The following TBC1D14 variants were observed in gnomAD, a reference collection of about 807,000 sequenced individuals.
TBC1D14 encodes the protein TBC1 domain family member 14, also known as TBC1 domain family, member 14.
A neutral mutation model predicts 79.0 loss-of-function variants in TBC1D14; 26 were observed. That is an observed-to-expected ratio of 0.33 (90% CI 0.24 to 0.46). The LOEUF (loss-of-function observed/expected upper bound fraction) is 0.46, where lower values mean the gene tolerates loss of function less well. TBC1D14 is among the 20% of genes least tolerant of loss of function. TBC1D14 has a pLI of 1.00. For synonymous variants in TBC1D14, 394 were observed against 349.9 expected (o/e 1.13, Z -1.40); for missense variants, 769 against 887.6 (o/e 0.87, Z 1.70).
chr4:6,922,757 C>T (rs890112359), intron 1 of TBC1D14, among the ~76,000 whole-genome samples: 3 of 152,118 alleles, frequency 2.0e-5, no homozygotes, highest in Non-Finnish European at 2.9e-5. Context: ...ACCCAACCGC[C>T]GCCCCCCAAG....
chr4:6,954,243 A>G, intron 2 of TBC1D14: 1 of 716,760 alleles, frequency 1.4e-6, no homozygotes, highest in Non-Finnish European at 2.6e-6. Flanking sequence ...GGAATGCGGC[A>G]CGGGGAGAGT....
chr4:7,032,035 G>A lies in TBC1D14; in HGVS notation c.*1643G>A, dbSNP rs970236346. The stretch of plus-strand genomic sequence containing the variant: ...AGCACTATCATGTGTCACGTTTCCC[G>A]GACTCTGCCCCTACATCTCAGCTGA... On this transcript the variant is annotated 3_prime_UTR_variant, in exon 14 of 14. Transcript: ENST00000409757. The A allele has an allele frequency of 6.6e-6, 1 of 152,390 alleles. No homozygotes were observed. Among genetic ancestry groups the A allele is most frequent in the Non-Finnish European group, 1.5e-5 (1 of 68,088 alleles). The allele number at this position is 152,390 out of a possible 1,614,324, so 9.4% of individuals were successfully genotyped here.
At chr4:6,999,284 C>T in intron 6 of TBC1D14, 82 bp downstream of exon 6, 1 of 1,210,012 alleles carries the variant, frequency 8.3e-7, no homozygotes, top group Non-Finnish European at 1.2e-6. Flanking sequence ...TCGTCATAGC[C>T]AGCAGTGACA....
intron 7 of TBC1D14, among the ~76,000 whole-genome samples, chr4:7,001,639 T>G (rs3857170): frequency 6.6e-6 from 1 of 151,962 alleles, no homozygotes; most frequent in East Asian, 1.9e-4. Flanking sequence ...TTTGTGGGAT[T>G]TTTTTTCAGG....
chr4:6,995,991 C>T (rs1718998093), intron 4 of TBC1D14, among the ~76,000 whole-genome samples: 1 of 151,850 alleles, frequency 6.6e-6, no homozygotes, highest in South Asian at 2.1e-4. Flanking sequence ...CGCCCGCCAC[C>T]ATGCCCGGCT....
chr4:7,009,760 A>C, intron 9 of TBC1D14, 117 bp from the exon 10 acceptor site: 1 of 1,027,272 alleles, frequency 9.7e-7, no homozygotes, highest in African/African-American at 1.6e-5. Flanking sequence ...TGCTTGGCAT[A>C]TTTCATAATG....
rs568132951 is a variant in TBC1D14 at position 6,911,034 on chromosome 4, G to A, written c.-18+1083G>A. ...TGCCTAGCTTTTATAGCGGTGGGTT[G>A]CCTGTTGGAAACTGGTGGTTGCTTT... On this transcript the variant is annotated intron_variant, in intron 1 of 13. Transcript: ENST00000409757. 1.2e-4 allele frequency among the ~76,000 whole-genome samples: 19 copies of A among 152,274 alleles called. No individual in the cohort carries two copies. In the South Asian group the frequency reaches 2.1e-3, roughly 17 times the overall value.
intron 7 of TBC1D14, among the ~76,000 whole-genome samples, chr4:7,004,201 C>T (rs1037525977): frequency 6.6e-6 from 1 of 152,106 alleles, no homozygotes; most frequent in South Asian, 2.1e-4. Flanking sequence ...CCAAACCACC[C>T]GAAGAGAGCT....
chr4:6,954,946 T>C (rs1401044809), intron 2 of TBC1D14, among the ~76,000 whole-genome samples: 1 of 152,256 alleles, frequency 6.6e-6, no homozygotes, highest in Non-Finnish European at 1.5e-5. Context: ...GAGTAGCATT[T>C]TCTGAAAGAA....
In TBC1D14 at chr4:6,988,633, G is replaced by A. The variant is rs147392623; in HGVS notation, c.844-5551G>A. Among the ~76,000 whole-genome samples, 18 of 152,322 alleles carry A rather than the reference G, an allele frequency of 1.2e-4. No homozygotes were observed. The East Asian group carries it at 3.5e-3, about 29-fold the overall frequency. ...CCCAAATCCTCAGGTTATTTTCACT[G>A]GTGAATCTTGATACTGCAGACAGCG... On this transcript the variant is annotated intron_variant, in intron 3 of 13. Coordinates refer to ENST00000409757, the MANE Select transcript of TBC1D14 (RefSeq NM_020773.3).
chr4:7,011,213 G>A (rs1243153670), intron 11 of TBC1D14, among the ~76,000 whole-genome samples: 1 of 152,084 alleles, frequency 6.6e-6, no homozygotes, highest in Admixed American at 6.6e-5. Context: ...GCCCACACCC[G>A]GGAGAAAGGA....
intron 2 of TBC1D14, among the ~76,000 whole-genome samples, chr4:6,957,876 C>A (rs1714785733): frequency 6.6e-6 from 1 of 151,600 alleles, no homozygotes; most frequent in Non-Finnish European, 1.5e-5. Context: ...GTACTCCAGC[C>A]TGGGTGACAG....
chr4:6,917,858 C>T (rs1392041354), intron 1 of TBC1D14, among the ~76,000 whole-genome samples: 5 of 152,158 alleles, frequency 3.3e-5, no homozygotes, highest in Non-Finnish European at 7.3e-5. Flanking sequence ...GCCTGGAGTG[C>T]GGCTTCTGCC....
intron 3 of TBC1D14, among the ~76,000 whole-genome samples, chr4:6,980,428 G>T (rs1036522295): frequency 6.6e-6 from 1 of 151,704 alleles, no homozygotes; most frequent in African/African-American, 2.4e-5. Context: ...ACATAGAAAA[G>T]AAAAAAGGTC....
chr4:7,012,636 T>A (rs1720890903), intron 11 of TBC1D14, among the ~76,000 whole-genome samples: 1 of 152,260 alleles, frequency 6.6e-6, no homozygotes, highest in Non-Finnish European at 1.5e-5. Flanking sequence ...GTTCAAGATG[T>A]TAATTCAGTG....
At chr4:7,024,929 T>C in intron 12 of TBC1D14, 75 bp from the exon 13 acceptor site, 1 of 1,576,120 alleles carries the variant, frequency 6.3e-7, no homozygotes, top group South Asian at 1.2e-5. Flanking sequence ...TTTCATGGAA[T>C]CAGACTGGAA....
intron 8 of TBC1D14, among the ~76,000 whole-genome samples, chr4:7,006,228 C>T (rs1203760899): frequency 6.6e-6 from 1 of 152,032 alleles, no homozygotes; most frequent in African/African-American, 2.4e-5. Context: ...ATAGTTTCTA[C>T]ATCTAGTGAG....
In TBC1D14 at chr4:7,011,019, T is replaced by A. The variant is rs146511216; in HGVS notation, c.1647+238T>A. ...CTTAATACGTTCTCTCAGAAAAACA[T>A]TACCTGTATTTTTGAAAATGTATTC... On this transcript the variant is annotated intron_variant, in intron 11 of 13. Transcript: ENST00000409757. Among the ~76,000 whole-genome samples, 37 of 152,266 alleles carry A rather than the reference T, an allele frequency of 2.4e-4. No individual in the cohort carries two copies. In the East Asian group the frequency reaches 6.9e-3, roughly 29 times the overall value.
At chr4:6,943,130 G>T (rs1222407497) in intron 2 of TBC1D14, among the ~76,000 whole-genome samples, 2 of 152,186 alleles carry the variant, frequency 1.3e-5, no homozygotes, top group Non-Finnish European at 2.9e-5. Context: ...CAAAGCAGGG[G>T]AGAGCGTGTG....
Sources: gnomAD v4.1 joint callset for allele counts (sites outside exome capture counted in the v4.1 genomes callset) on GRCh38, gnomAD v4.1.1 for gene constraint, MANE v1.5 for transcripts, NCBI Gene and HGNC (gene_info 2026-07-23, HGNC 2026-07-21) for gene names.